LRRC61: variants seen among roughly 807,000 people sequenced by gnomAD.
The protein encoded by LRRC61 is leucine-rich repeat-containing protein 61.
Under a neutral mutation model 15.1 loss-of-function variants are expected in LRRC61, and 9 were observed. That is an observed-to-expected ratio of 0.60 (90% CI 0.36 to 1.04). The LOEUF is 1.04. Among genes scored for constraint, LRRC61 ranks in the 50% least tolerant of loss-of-function variants. The pLI is 0.01. For synonymous variants in LRRC61, 173 were observed against 158.6 expected (o/e 1.09, Z -0.68); for missense variants, 344 against 335.6 (o/e 1.03, Z -0.20).
the LRRC61 span, among the ~76,000 whole-genome samples, chr7:150,311,278 T>C: frequency 2.1e-4 from 32 of 152,288 alleles, no homozygotes; most frequent in African/African-American, 6.3e-4. Context: ...GCTGTTGGAG[T>C]GCTCACACAG....
chr7:150,331,897 T>C (rs915386293), intron 2 of LRRC61: 1 of 167,116 alleles, frequency 6.0e-6, no homozygotes, highest in Non-Finnish European at 1.5e-5. Context: ...ACCAGTCTTT[T>C]TGGGGGTTTC....
upstream of LRRC61, among the ~76,000 whole-genome samples, chr7:150,319,557 T>C (rs1285822847): frequency 3.3e-5 from 5 of 152,196 alleles, no homozygotes; most frequent in Admixed American, 6.5e-5. Context: ...CACAAGGCTA[T>C]GAAATGGTCC....
chr7:150,333,111 T>C lies in LRRC61; in HGVS notation c.-144-3607T>C, dbSNP rs1798165914. ...TGCTGTGTGGCATCACCGAGCGGGC[T>C]CATGTTCTGGGAGAGGACTGGGAGG... On this transcript the variant is annotated intron_variant, in intron 2 of 2. Transcript: ENST00000359623. This position sits in a 1 kb window ranked among gnomAD's most constrained non-coding sequence, Gnocchi z 4.3. 6.6e-6 allele frequency among the ~76,000 whole-genome samples: 1 copy of C among 152,100 alleles called. No individual in the cohort carries two copies. Among genetic ancestry groups the C allele is most frequent in the Non-Finnish European group, 1.5e-5 (1 of 68,018 alleles).
the LRRC61 span, among the ~76,000 whole-genome samples, chr7:150,312,974 G>T: frequency 6.6e-6 from 1 of 152,130 alleles, no homozygotes; most frequent in East Asian, 1.9e-4. Flanking sequence ...CCAACCTTAT[G>T]ACATTCCACC....
chr7:150,316,040 A>C, the LRRC61 span, among the ~76,000 whole-genome samples: 1 of 152,224 alleles, frequency 6.6e-6, no homozygotes, highest in Non-Finnish European at 1.5e-5. Context: ...TCTACTAAAA[A>C]TACGAAATTA....
chr7:150,332,041 A>G (rs1431352865), intron 2 of LRRC61: 2 of 167,086 alleles, frequency 1.2e-5, no homozygotes, highest in Admixed American at 6.5e-5. Context: ...TCCTCCAGTG[A>G]CAGCAGCCTC....
the LRRC61 span, among the ~76,000 whole-genome samples, chr7:150,317,286 G>A: frequency 6.6e-6 from 1 of 152,116 alleles, no homozygotes; most frequent in South Asian, 2.1e-4. Context: ...ATGGACTCAA[G>A]TGACCTGCCT....
chr7:150,312,481 A>G, the LRRC61 span, among the ~76,000 whole-genome samples: 2 of 152,208 alleles, frequency 1.3e-5, no homozygotes, highest in Non-Finnish European at 2.9e-5. Flanking sequence ...TTGGTATGTA[A>G]AACATTATTC....
rs952798390 is a variant in LRRC61, at chr7:150,333,499, A to G, written c.-144-3219A>G. On this transcript the variant is annotated intron_variant, in intron 2 of 2. Transcript: ENST00000359623. The surrounding 1 kb of genome is among the most constrained non-coding windows in gnomAD (Gnocchi z 4.3). The stretch of plus-strand genomic sequence containing the variant: ...TCTAGAGCGTTAGAGCCTCCAGTCC[A>G]CCCGAGGCTGCTCTGGGTTGAAGCG... 2.6e-5 allele frequency among the ~76,000 whole-genome samples: 4 copies of G among 152,142 alleles called. No homozygotes were observed. The highest frequency in any genetic ancestry group is 5.9e-5 in the Non-Finnish European group (4 of 68,032).
rs528644830 is a variant in LRRC61 at position 150,337,118 on chromosome 7, G to A, written c.257G>A (p.Arg86Gln). 33 of 1,612,154 alleles carry A rather than the reference G, an allele frequency of 2.0e-5. No homozygotes were observed. In the East Asian group the frequency reaches 2.2e-4, roughly 11 times the overall value. ...GCTGTGCTCAATGTCTCCAACAATC[G>A]GCTGACGGGCCTGGAGCCACTGGCC... ...QLAVLNVSNN[R>Q]LTGLEPLATC... The change falls in exon 3 of 3, where the codon CGG (arginine) becomes CAG (glutamine). Residue 86 changes from arginine (R) to glutamine (Q), a missense_variant. By Grantham distance (43) the Arg-to-Gln change is conservative. Coordinates refer to ENST00000359623, the MANE Select transcript of LRRC61 (RefSeq NM_001142928.2).
intron 2 of LRRC61, chr7:150,331,195 C>T: frequency 7.0e-7 from 1 of 1,430,734 alleles, no homozygotes. Flanking sequence ...TGAGCATCTC[C>T]TCTTCTTGAA....
chr7:150,310,296 A>C, the LRRC61 span, among the ~76,000 whole-genome samples: 1 of 151,970 alleles, frequency 6.6e-6, no homozygotes, highest in East Asian at 1.9e-4. Context: ...ACCCCTTACC[A>C]TTCCATTAAA....
intron 1 of LRRC61, among the ~76,000 whole-genome samples, chr7:150,324,046 GTCAAATT>G (rs1223002593): frequency 6.6e-6 from 1 of 152,218 alleles, no homozygotes; most frequent in Non-Finnish European, 1.5e-5. Flanking sequence ...TTTATAAGTA[GTCAAATT>G]TGCGTGTGGG....
In LRRC61 at chr7:150,337,229, G is replaced by C; in HGVS notation, c.368G>C (p.Cys123Ser). 1.2e-6 allele frequency: 2 copies of C among 1,604,800 alleles called. No individual in the cohort carries two copies. The highest frequency in any genetic ancestry group is 1.7e-6 in the Non-Finnish European group (2 of 1,179,902). The change falls in exon 3 of 3, where the codon TGC becomes TCC. Residue 123 changes from cysteine (C) to serine (S), a missense_variant. Cys to Ser is a moderately radical substitution (Grantham distance 112). Coordinates refer to ENST00000359623, the MANE Select transcript of LRRC61 (RefSeq NM_001142928.2). ...CTGCAGTGTCTGGCTGGGCTACCGT[G>C]CCTGGAGTACCTGCGGCTCCGAGAC... ...GQLQCLAGLP[C>S]LEYLRLRDPL...
chr7:150,316,705 CTA>C, the LRRC61 span, among the ~76,000 whole-genome samples: 1 of 152,082 alleles, frequency 6.6e-6, no homozygotes, highest in Non-Finnish European at 1.5e-5. Flanking sequence ...AGGATGGTCT[CTA>C]TCTCTTGACC....
upstream of LRRC61, among the ~76,000 whole-genome samples, chr7:150,320,975 A>G (rs1349207558): frequency 6.6e-6 from 1 of 152,276 alleles, no homozygotes; most frequent in Non-Finnish European, 1.5e-5. Flanking sequence ...TCACTCTTTG[A>G]CTAAACTTGA....
chr7:150,314,990 A>T, the LRRC61 span, among the ~76,000 whole-genome samples: 1 of 147,238 alleles, frequency 6.8e-6, no homozygotes, highest in Non-Finnish European at 1.5e-5. Flanking sequence ...ATTTTTAATA[A>T]TATTATTAAA....
chr7:150,337,195 C>A lies in LRRC61; in HGVS notation c.334C>A (p.Pro112Thr). The change falls in exon 3 of 3, where the codon CCG (proline) becomes ACG (threonine). Residue 112 changes from proline (P) to threonine (T), a missense_variant. Physicochemically the swap from Pro to Thr is conservative, Grantham distance 38 (BLOSUM62 -1). Coordinates refer to ENST00000359623, the MANE Select transcript of LRRC61 (RefSeq NM_001142928.2). ...TGCCGCAGGCAACCTACTGGCCACC[C>A]CGGGCCAGCTGCAGTGTCTGGCTGG... The part of the protein sequence containing the change: ...LNAAGNLLAT[P>T]GQLQCLAGLP... The A allele has an allele frequency of 6.2e-7, 1 of 1,607,102 alleles. No individual in the cohort carries two copies.
the LRRC61 span, among the ~76,000 whole-genome samples, chr7:150,314,421 G>A: frequency 1.4e-4 from 22 of 152,214 alleles, no homozygotes; most frequent in East Asian, 7.7e-4. Context: ...AGAGTGATCC[G>A]CCTCTACCTC....
Sources: allele counts gnomAD v4.1 joint callset (sites outside exome capture counted in the v4.1 genomes callset), GRCh38; gene constraint gnomAD v4.1.1; non-coding constraint Gnocchi (gnomAD v3.1); transcripts MANE v1.5; gene names NCBI Gene and HGNC (gene_info 2026-07-23, HGNC 2026-07-21).